ST6GAL1: variants seen among roughly 807,000 people sequenced by gnomAD.
The protein encoded by ST6GAL1 is beta-galactoside alpha-2,6-sialyltransferase 1.
ST6GAL1 carries 20 observed loss-of-function variants against 38.0 expected under a neutral mutation model. The ratio of observed to expected loss-of-function variants is 0.53; its 90% confidence interval spans 0.37 to 0.77. The LOEUF (loss-of-function observed/expected upper bound fraction) is 0.77, where lower values mean the gene tolerates loss of function less well. Among genes scored for constraint, ST6GAL1 ranks in the 30% least tolerant of loss-of-function variants. The pLI, the probability that ST6GAL1 is intolerant of heterozygous loss-of-function variation, is 0.00. For missense variants in ST6GAL1, 432 were observed against 496.4 expected (o/e 0.87, Z 1.23); for synonymous variants, 196 against 188.2 (o/e 1.04, Z -0.34).
At chr3:187,048,880 ATTTTTTT>A (rs374148828) in intron 4 of ST6GAL1, among the ~76,000 whole-genome samples, 7 of 115,452 alleles carry the variant, frequency 6.1e-5, no homozygotes, top group African/African-American at 1.9e-4. Context: ...GAGAAATTGA[ATTTTTTT>A]TTTTTTTTTT....
rs376451479 is a variant in ST6GAL1 at position 187,005,117 on chromosome 3, G to A, written c.-182-33625G>A. Among the ~76,000 whole-genome samples the A allele has an allele frequency of 4.6e-5, 7 of 151,708 alleles. 1 individual carries two copies. Among genetic ancestry groups the A allele is most frequent in the South Asian group, 4.2e-4 (2 of 4,790 alleles). The stretch of plus-strand genomic sequence containing the variant: ...TTTATATATTGAAACATTTATTAAT[G>A]AAATGATGAGTTCAGGATTTGTTTC... On this transcript the variant is annotated intron_variant, in intron 2 of 7. Coordinates refer to ENST00000169298, the MANE Select transcript of ST6GAL1 (RefSeq NM_173216.2).
At chr3:186,989,777 T>C (rs565579938) in intron 2 of ST6GAL1, among the ~76,000 whole-genome samples, 1 of 152,332 alleles carries the variant, frequency 6.6e-6, no homozygotes, top group African/African-American at 2.4e-5. Flanking sequence ...CATTTACTAT[T>C]TGAAAAATAG....
chr3:187,040,055 G>T (rs1309395994), intron 3 of ST6GAL1, among the ~76,000 whole-genome samples: 1 of 152,206 alleles, frequency 6.6e-6, no homozygotes. Context: ...AGTGAATCAG[G>T]CCCTTCCTGC....
chr3:187,069,300 AATTTTTGT>A (rs1719281608), intron 5 of ST6GAL1, among the ~76,000 whole-genome samples: 1 of 152,070 alleles, frequency 6.6e-6, no homozygotes, highest in South Asian at 2.1e-4. Context: ...ACGCCTGGCT[AATTTTTGT>A]ATTTTTGGTA....
At chr3:186,931,332 C>CG (rs1449625419) in intron 1 of ST6GAL1, 4 of 152,274 alleles carry the variant, frequency 2.6e-5, no homozygotes, top group Non-Finnish European at 5.9e-5. Context: ...GTCTCAGCCT[C>CG]GGGGGAGGGA....
intron 1 of ST6GAL1, among the ~76,000 whole-genome samples, chr3:186,950,176 T>G (rs1017238147): frequency 6.6e-6 from 1 of 152,060 alleles, no homozygotes; most frequent in Non-Finnish European, 1.5e-5. Flanking sequence ...CCTCAAAGGC[T>G]TTAAAAGAAT....
intron 5 of ST6GAL1, among the ~76,000 whole-genome samples, chr3:187,066,051 A>C (rs577602901): frequency 1.3e-5 from 2 of 152,254 alleles, no homozygotes; most frequent in African/African-American, 4.8e-5. Context: ...AAGATACTGA[A>C]AGACAGGTAT....
intron 1 of ST6GAL1, among the ~76,000 whole-genome samples, chr3:186,941,125 G>C (rs1289563615): frequency 6.6e-6 from 1 of 152,190 alleles, no homozygotes; most frequent in African/African-American, 2.4e-5. Context: ...AGCTTCAAGT[G>C]CAAACACTGA....
At chr3:187,028,547 C>T (rs1717625491) in intron 2 of ST6GAL1, among the ~76,000 whole-genome samples, 2 of 152,096 alleles carry the variant, frequency 1.3e-5, no homozygotes, top group African/African-American at 4.8e-5. Context: ...TACTACTTCA[C>T]ATGCATAGGA....
At chr3:187,063,424 A>G (rs918532675) in intron 5 of ST6GAL1, among the ~76,000 whole-genome samples, 1 of 152,216 alleles carries the variant, frequency 6.6e-6, no homozygotes, top group African/African-American at 2.4e-5. Context: ...GAGATTTATA[A>G]TTGTCATTGA....
chr3:187,004,750 C>G (rs1375775492), intron 2 of ST6GAL1, among the ~76,000 whole-genome samples: 1 of 152,220 alleles, frequency 6.6e-6, no homozygotes, highest in East Asian at 1.9e-4. Context: ...CTTACTTATT[C>G]AGGAATTAAT....
At chr3:187,069,988 G>A (rs181012237) in intron 5 of ST6GAL1, among the ~76,000 whole-genome samples, 2 of 152,154 alleles carry the variant, frequency 1.3e-5, no homozygotes, top group East Asian at 1.9e-4. Flanking sequence ...TGGGTTTGCC[G>A]TTCTCAGCAT....
intron 2 of ST6GAL1, among the ~76,000 whole-genome samples, chr3:186,996,308 C>A (rs996702557): frequency 6.6e-6 from 1 of 152,114 alleles, no homozygotes; most frequent in Non-Finnish European, 1.5e-5. Context: ...TAGAAATAAT[C>A]CGGATCTTAT....
chr3:187,036,624 T>C (rs1351696171), intron 2 of ST6GAL1, among the ~76,000 whole-genome samples: 4 of 152,196 alleles, frequency 2.6e-5, no homozygotes, highest in Non-Finnish European at 5.9e-5. Context: ...TGGAAGCCAT[T>C]ATCCTAAGCA....
rs1719587788 is a variant in ST6GAL1, at chr3:187,077,032, G to C, written c.*1229G>C. 2.5e-6 allele frequency: 1 copy of C among 394,568 alleles called. No homozygotes were observed. The highest frequency in any genetic ancestry group is 1.3e-4 in the South Asian group (1 of 7,696). The allele number at this position is 394,568 out of a possible 1,614,324, so 24.4% of individuals were successfully genotyped here. A position where few individuals can be genotyped will look rare whatever the true frequency, so the allele number is the denominator to read the frequency against. ...AAAGCATCCTGACCCCAATTTCTTT[G>C]AGCTCACGGGCCTTTTGCTGAAGGT... is the stretch of plus-strand genomic sequence containing the variant. On this transcript the variant is annotated 3_prime_UTR_variant, in exon 8 of 8. Coordinates refer to ENST00000169298, the MANE Select transcript of ST6GAL1 (RefSeq NM_173216.2).
chr3:186,965,745 G>A (rs1393079877), intron 2 of ST6GAL1, among the ~76,000 whole-genome samples: 1 of 152,172 alleles, frequency 6.6e-6, no homozygotes, highest in Non-Finnish European at 1.5e-5. Context: ...AGGGAACGTG[G>A]TGGGTGGTCT....
chr3:186,934,074 C>T (rs543935560), intron 1 of ST6GAL1, among the ~76,000 whole-genome samples: 21 of 152,334 alleles, frequency 1.4e-4, no homozygotes, highest in Non-Finnish European at 2.8e-4. Context: ...AAGAGAGAGG[C>T]GCCACTTAGC....
At chr3:186,944,813 T>C (rs1309208304) in intron 1 of ST6GAL1, among the ~76,000 whole-genome samples, 1 of 152,222 alleles carries the variant, frequency 6.6e-6, no homozygotes, top group African/African-American at 2.4e-5. Flanking sequence ...CTCGTCGCTT[T>C]TGCTCATATT....
intron 4 of ST6GAL1, among the ~76,000 whole-genome samples, chr3:187,049,383 C>T (rs1718432198): frequency 6.6e-6 from 1 of 152,172 alleles, no homozygotes; most frequent in South Asian, 2.1e-4. Flanking sequence ...CAGATCCTGC[C>T]AGGAGGCCGT....
Sources: allele counts gnomAD v4.1 joint callset (sites outside exome capture counted in the v4.1 genomes callset), GRCh38; gene constraint gnomAD v4.1.1; transcripts MANE v1.5; gene names NCBI Gene and HGNC (gene_info 2026-07-23, HGNC 2026-07-21).